The following FCAR variants were observed in gnomAD, a reference collection of about 807,000 sequenced individuals.
The protein encoded by FCAR is immunoglobulin alpha Fc receptor.
FCAR carries 21 observed loss-of-function variants against 27.1 expected under a neutral mutation model. The ratio of observed to expected loss-of-function variants is 0.77; its 90% CI spans 0.55 to 1.11. FCAR has a LOEUF of 1.11. Among genes scored for constraint, FCAR ranks in the 50% most tolerant of loss-of-function variants. FCAR has a pLI of 0.00. For missense variants in FCAR, 404 were observed against 358.4 expected, an observed-to-expected ratio of 1.13 and a Z score of -1.03; for synonymous variants, 134 against 135.8, an observed-to-expected ratio of 0.99 and a Z score of 0.09.
At chr19:54,882,210 C>T (rs1265436201) in intron 2 of FCAR, among the ~76,000 whole-genome samples, 1 of 152,158 alleles carries the variant, frequency 6.6e-6, no homozygotes, top group Non-Finnish European at 1.5e-5. Context: ...AATGACCGGG[C>T]CCCCACACAT....
Position 54,888,269 on chromosome 19 carries a change from T to G in FCAR, c.624T>G (p.Ser208Arg). Residue 208 changes from serine (S) to arginine (R), a missense_variant, in exon 4 of 5, where the codon AGT (serine) becomes AGG (arginine). By Grantham distance (110) the Ser-to-Arg change is moderately radical (BLOSUM62 -1). Transcript: ENST00000355524. ...GCCCCTACCTGTGGTCCTTCCCCAG[T>G]AATGCCTTGGAGCTTGTGGTCACAG... ...NRSPYLWSFP[S>R]NALELVVTDS... The G allele has an allele frequency of 6.2e-7, 1 of 1,614,118 alleles. No individual in the cohort carries two copies. The highest frequency in any genetic ancestry group is 1.1e-5 in the South Asian group (1 of 91,064).
chr19:54,874,909 A>G (rs1416303076), intron 1 of FCAR, among the ~76,000 whole-genome samples: 4 of 152,050 alleles, frequency 2.6e-5, no homozygotes, highest in Non-Finnish European at 4.4e-5. Context: ...AGTGGCTCAC[A>G]CCTGCAATCC....
intron 3 of FCAR, 99 bp downstream of exon 3, chr19:54,885,624 TTGA>T (rs2066676131): frequency 3.4e-6 from 3 of 886,948 alleles, no homozygotes; most frequent in Non-Finnish European, 5.1e-6. Context: ...CAAAAAAAAA[TTGA>T]TGATTGCTTC....
chr19:54,881,171 G>A (rs772016966), intron 2 of FCAR, among the ~76,000 whole-genome samples: 1 of 152,182 alleles, frequency 6.6e-6, no homozygotes, highest in Non-Finnish European at 1.5e-5. Flanking sequence ...GCCACTATCA[G>A]TGCGATGAGC....
intron 1 of FCAR, 52 bp downstream of exon 1, chr19:54,874,375 A>C: frequency 6.4e-7 from 1 of 1,557,270 alleles, no homozygotes; most frequent in African/African-American, 1.4e-5. Flanking sequence ...AAATCCCAAA[A>C]TAATCAGGGT....
At chr19:54,879,044 AT>A (rs57641022) in intron 2 of FCAR, among the ~76,000 whole-genome samples, 49,095 of 146,362 alleles carry the variant, frequency 0.34, 8,101 homozygotes, top group South Asian at 0.52. Flanking sequence ...ACGCCCAGCT[AT>A]TTTTTTTTTT....
rs767399676 is a variant in FCAR at position 54,885,345 on chromosome 19, A to G, written c.181A>G (p.Met61Val). Residue 61 changes from methionine (M) to valine (V), a missense_variant, in exon 3 of 5, where the codon ATG becomes GTG. By Grantham distance (21) the Met-to-Val change is conservative. Coordinates refer to ENST00000355524, the MANE Select transcript of FCAR (RefSeq NM_002000.4). The stretch of plus-strand genomic sequence containing the variant: ...TCGTGAAGCTTACCTGACCCAGCTG[A>G]TGATCATAAAAAACTCCACGTACCG... ...AIREAYLTQL[M>V]IIKNSTYREI... 1 of 1,614,088 alleles carries G rather than the reference A, an allele frequency of 6.2e-7. No homozygotes were observed. Among genetic ancestry groups the G allele is most frequent in the South Asian group, 1.1e-5 (1 of 91,072 alleles).
intron 1 of FCAR, 77 bp from the exon 2 acceptor site, chr19:54,875,253 G>C: frequency 8.1e-7 from 1 of 1,238,042 alleles, no homozygotes; most frequent in Non-Finnish European, 1.2e-6. Context: ...TCTTTTTCTG[G>C]TCTGTCATTA....
Position 54,885,308 on chromosome 19 carries a change from G to T in FCAR, c.144G>T (p.Gln48His), listed in dbSNP as rs373003627. The T allele has an allele frequency of 6.2e-7, 1 of 1,613,982 alleles. No individual in the cohort carries two copies. Among genetic ancestry groups the T allele is most frequent in the Non-Finnish European group, 8.5e-7 (1 of 1,179,960 alleles). The change falls in exon 3 of 5, where the codon CAG becomes CAT. Residue 48 changes from glutamine to histidine, a missense_variant. Coordinates refer to ENST00000355524, the MANE Select transcript of FCAR (RefSeq NM_002000.4). Reference sequence around the variant, plus strand: ...CCTTGGATGGATCTGTGAAAATCCAGTGCCAGGCCATTCGTGAAGCTTACC... The same window carrying T: ...CCTTGGATGGATCTGTGAAAATCCATTGCCAGGCCATTCGTGAAGCTTACC... Reference protein sequence around the residue: ...VIPLDGSVKIQCQAIREAYLT... With the variant: ...VIPLDGSVKIHCQAIREAYLT...
At chr19:54,885,170 C>T (rs925754620) in intron 2 of FCAR, 65 bp from the exon 3 acceptor site, 2 of 1,379,682 alleles carry the variant, frequency 1.4e-6, no homozygotes, top group South Asian at 1.3e-5. Context: ...ACTTCTCCCA[C>T]AGAGAAGGAA....
In FCAR at chr19:54,885,270, A is replaced by C; in HGVS notation, c.106A>C (p.Ser36Arg). The stretch of plus-strand genomic sequence containing the variant: ...CATGCCTTTCATATCTGCCAAATCG[A>C]GTCCTGTGATTCCCTTGGATGGATC... Reference protein sequence around the residue: ...FPMPFISAKSSPVIPLDGSVK... With the variant: ...FPMPFISAKSRPVIPLDGSVK... Residue 36 changes from serine to arginine, a missense_variant, in exon 3 of 5, where the codon AGT (serine) becomes CGT (arginine). Transcript: ENST00000355524. The C allele has an allele frequency of 1.9e-6, 3 of 1,613,796 alleles. No individual in the cohort carries two copies. The highest frequency in any genetic ancestry group is 2.5e-6 in the Non-Finnish European group (3 of 1,179,852).
chr19:54,887,569 T>G (rs28529432), intron 3 of FCAR, among the ~76,000 whole-genome samples: 47,748 of 150,874 alleles, frequency 0.32, 7,809 homozygotes, highest in Admixed American at 0.44. Flanking sequence ...TGCAGTGAGC[T>G]GAGATCGTGC....
chr19:54,887,069 A>G (rs1372220276), intron 3 of FCAR, among the ~76,000 whole-genome samples: 5 of 113,116 alleles, frequency 4.4e-5, no homozygotes, highest in African/African-American at 1.5e-4. Flanking sequence ...TAATCCCAGC[A>G]CTTTGAGAAG....
At chr19:54,881,170 A>G (rs1233697252) in intron 2 of FCAR, among the ~76,000 whole-genome samples, 1 of 152,174 alleles carries the variant, frequency 6.6e-6, no homozygotes, top group Non-Finnish European at 1.5e-5. Flanking sequence ...AGCCACTATC[A>G]GTGCGATGAG....
chr19:54,886,437 A>G (rs1355738808), intron 3 of FCAR, among the ~76,000 whole-genome samples: 2 of 149,624 alleles, frequency 1.3e-5, no homozygotes, highest in Non-Finnish European at 3.0e-5. Flanking sequence ...CCTCCCGAGT[A>G]GCTGGGACTA....
chr19:54,888,493 T>C lies in FCAR; in HGVS notation c.649+199T>C, dbSNP rs1163615355. On this transcript the variant is annotated intron_variant, in intron 4 of 4. Coordinates refer to ENST00000355524, the MANE Select transcript of FCAR (RefSeq NM_002000.4). Reference sequence around the variant, plus strand: ...CTAGAGTTCTCCAGACAGGGTTCATTGAAAACTTAGTCTGTGGAGAACAGA... The same window carrying C: ...CTAGAGTTCTCCAGACAGGGTTCATCGAAAACTTAGTCTGTGGAGAACAGA... 2.1e-6 allele frequency: 3 copies of C among 1,417,596 alleles called. No individual in the cohort carries two copies. The East Asian group carries it at 7.6e-5, about 36-fold the overall frequency. The allele number at this position is 1,417,596 out of a possible 1,614,324, so 87.8% of individuals were successfully genotyped here. A position where few individuals can be genotyped will look rare whatever the true frequency, so the allele number is the denominator to read the frequency against.
chr19:54,889,230 C>T (rs1238189734), intron 4 of FCAR, among the ~76,000 whole-genome samples: 4 of 147,908 alleles, frequency 2.7e-5, no homozygotes, highest in African/African-American at 1.0e-4. Flanking sequence ...ATTAACCAGG[C>T]GTGGTGGTGG....
chr19:54,879,382 T>C (rs1035268303), intron 2 of FCAR, among the ~76,000 whole-genome samples: 1 of 152,194 alleles, frequency 6.6e-6, no homozygotes, highest in Admixed American at 6.5e-5. Flanking sequence ...TGGCTGGTGA[T>C]GGTCTTTTCT....
At chr19:54,886,197 A>G (rs1353848777) in intron 3 of FCAR, among the ~76,000 whole-genome samples, 1 of 150,518 alleles carries the variant, frequency 6.6e-6, no homozygotes, top group Non-Finnish European at 1.5e-5. Flanking sequence ...GCAGTGAGCC[A>G]AGATCACACC....
Sources: allele counts gnomAD v4.1 joint callset (sites outside exome capture counted in the v4.1 genomes callset), GRCh38; gene constraint gnomAD v4.1.1; transcripts MANE v1.5; gene names NCBI Gene and HGNC (gene_info 2026-07-23, HGNC 2026-07-21).